The following KDM2A variants were observed in gnomAD, a reference collection of about 807,000 sequenced individuals.
KDM2A encodes lysine-specific demethylase 2A.
A neutral mutation model predicts 137.3 loss-of-function variants in KDM2A; 3 were observed. The observed-to-expected ratio is 0.02, with a 90% confidence interval of 0.01 to 0.06. KDM2A has a LOEUF of 0.06. Among genes scored for constraint, KDM2A ranks in the 10% least tolerant of loss-of-function variants. The pLI, the probability that KDM2A is intolerant of heterozygous loss-of-function variation, is 1.00. For missense variants in KDM2A, 738 were observed against 1,510.6 expected (o/e 0.49, Z 8.48); for synonymous variants, 512 against 541.5 (o/e 0.95, Z 0.76).
chr11:67,170,538 G>A (rs576075346), intron 2 of KDM2A, among the ~76,000 whole-genome samples: 5 of 150,126 alleles, frequency 3.3e-5, no homozygotes, highest in African/African-American at 1.2e-4. Flanking sequence ...TGAGCCTCCC[G>A]AGTAGCTGGG....
At chr11:67,156,190 G>T (rs1565381180) in intron 2 of KDM2A, among the ~76,000 whole-genome samples, 3 of 151,162 alleles carry the variant, frequency 2.0e-5, no homozygotes, top group Non-Finnish European at 4.4e-5. Flanking sequence ...GGAGGTTGTG[G>T]TGAGCTGAGA....
intron 12 of KDM2A, among the ~76,000 whole-genome samples, chr11:67,239,695 CAGTG>C (rs1265027799): frequency 1.3e-5 from 2 of 152,182 alleles, no homozygotes; most frequent in Non-Finnish European, 2.9e-5. Context: ...ACAGTGGTAA[CAGTG>C]AGAGGTGACC....
intron 18 of KDM2A, 134 bp from the exon 19 acceptor site, chr11:67,253,319 T>A (rs1004593399): frequency 1.3e-6 from 1 of 764,906 alleles, no homozygotes; most frequent in African/African-American, 1.7e-5. Context: ...ATCTTTGAGC[T>A]GGATGACTAA....
At chr11:67,216,757 C>G (rs1858171906) in intron 8 of KDM2A, among the ~76,000 whole-genome samples, 1 of 151,760 alleles carries the variant, frequency 6.6e-6, no homozygotes, top group African/African-American at 2.4e-5. Flanking sequence ...TGCATCTCTA[C>G]TAAAAATACA....
chr11:67,189,577 C>T (rs891593277), intron 5 of KDM2A, among the ~76,000 whole-genome samples: 30 of 152,078 alleles, frequency 2.0e-4, no homozygotes, highest in Non-Finnish European at 3.7e-4. Context: ...AGGTGGCTCA[C>T]GCCTGTAATC....
chr11:67,248,265 C>T lies in KDM2A; in HGVS notation c.1966-16C>T. 3 of 1,573,880 alleles carry T rather than the reference C, an allele frequency of 1.9e-6. No individual in the cohort carries two copies. The highest frequency in any genetic ancestry group is 2.6e-6 in the Non-Finnish European group (3 of 1,151,532). ...TTGAGAGACAGGCTTTTAAAAACAT[C>T]TCTGTCTTCCTATAGATGGACGGAG... On this transcript the variant is annotated splice_polypyrimidine_tract_variant and intron_variant, in intron 15 of 20. Transcript: ENST00000529006.
intron 2 of KDM2A, among the ~76,000 whole-genome samples, chr11:67,176,099 T>C (rs1196345198): frequency 6.6e-6 from 1 of 152,232 alleles, no homozygotes; most frequent in Non-Finnish European, 1.5e-5. Flanking sequence ...GAACTGTGAT[T>C]TGTGGCAGCC....
chr11:67,181,659 T>A (rs1279859182), intron 4 of KDM2A, among the ~76,000 whole-genome samples, 187 bp from the exon 5 acceptor site: 1 of 152,134 alleles, frequency 6.6e-6, no homozygotes, highest in African/African-American at 2.4e-5. Flanking sequence ...TCATTAACAT[T>A]TTATTATGTA....
At chr11:67,241,535 G>A (rs1226586417) in intron 12 of KDM2A, among the ~76,000 whole-genome samples, 1 of 152,116 alleles carries the variant, frequency 6.6e-6, no homozygotes, top group Non-Finnish European at 1.5e-5. Context: ...GAGCACACAG[G>A]ATTATGAGAA....
At chr11:67,156,736 A>G (rs934862448) in intron 2 of KDM2A, among the ~76,000 whole-genome samples, 8 of 151,422 alleles carry the variant, frequency 5.3e-5, no homozygotes, top group Non-Finnish European at 1.0e-4. Context: ...AAAAAAAAAA[A>G]AAATTAGCTG....
intron 5 of KDM2A, among the ~76,000 whole-genome samples, chr11:67,202,740 C>G (rs554393501): frequency 1.8e-4 from 27 of 152,028 alleles, no homozygotes; most frequent in African/African-American, 6.5e-4. Flanking sequence ...CGCGCCACTA[C>G]GCTCCAGCCT....
At chr11:67,169,754 TCTCTC>T (rs1378219884) in intron 2 of KDM2A, among the ~76,000 whole-genome samples, 855 of 51,430 alleles carry the variant, frequency 0.017, 5 homozygotes, top group South Asian at 0.049. Flanking sequence ...TCTCTCTCTC[TCTCTC>T]TTTTTTTTTT....
chr11:67,139,969 G>A (rs1856059539), intron 2 of KDM2A, among the ~76,000 whole-genome samples: 1 of 152,086 alleles, frequency 6.6e-6, no homozygotes, highest in Admixed American at 6.5e-5. Context: ...CTTCCACAGT[G>A]TTGGAACTAT....
intron 9 of KDM2A, 85 bp downstream of exon 9, chr11:67,217,969 AT>A: frequency 8.3e-7 from 1 of 1,203,046 alleles, no homozygotes. Flanking sequence ...AAGAATAGTT[AT>A]GATGCTGGGC....
chr11:67,223,699 T>TA (rs1460726746), intron 10 of KDM2A, among the ~76,000 whole-genome samples: 1 of 152,146 alleles, frequency 6.6e-6, no homozygotes, highest in African/African-American at 2.4e-5. Context: ...CATGAGCCAC[T>TA]ATGCCCAGAC....
Position 67,252,735 on chromosome 11 carries a change from G to A in KDM2A, c.2810G>A (p.Arg937Lys), listed in dbSNP as rs1336869775. The A allele has an allele frequency of 1.2e-6, 2 of 1,613,988 alleles. No individual in the cohort carries two copies. The highest frequency in any genetic ancestry group is 1.7e-6 in the Non-Finnish European group (2 of 1,179,892). The change falls in exon 18 of 21, where the codon AGG becomes AAG. Residue 937 changes from arginine to lysine, a missense_variant. Transcript: ENST00000529006. The part of the protein sequence containing the change: ...KRLWTKIDLS[R>K]CKAIVPQALS... ...CTTTGGACAAAAATTGACTTGAGTA[G>A]GTGTAAGGCCATTGTGCCCCAGGCC...
In KDM2A at chr11:67,229,036, G is replaced by A. The variant is rs150560859; in HGVS notation, c.1084+873G>A. The stretch of plus-strand genomic sequence containing the variant: ...CACTCCTGGCCCGGTTGTCTAATGC[G>A]TTTTATTGTATAAAGAATGGTCTTT... On this transcript the variant is annotated intron_variant, in intron 11 of 20. Coordinates refer to ENST00000529006, the MANE Select transcript of KDM2A (RefSeq NM_012308.3). Among the ~76,000 whole-genome samples the A allele has an allele frequency of 1.4e-4, 21 of 152,182 alleles. No homozygotes were observed. The East Asian group carries it at 3.3e-3, about 24-fold the overall frequency.
At chr11:67,143,970 C>A (rs1856184352) in intron 2 of KDM2A, among the ~76,000 whole-genome samples, 1 of 150,546 alleles carries the variant, frequency 6.6e-6, no homozygotes, top group Non-Finnish European at 1.5e-5. Context: ...GAGACGGAGT[C>A]TCCCTCTGTC....
chr11:67,239,942 A>C, intron 12 of KDM2A: 1 of 655,728 alleles, frequency 1.5e-6, no homozygotes. Context: ...ATCGCGAGGA[A>C]GAAAGCAGTT....
Sources: allele counts gnomAD v4.1 joint callset (sites outside exome capture counted in the v4.1 genomes callset), GRCh38; gene constraint gnomAD v4.1.1; transcripts MANE v1.5; gene names NCBI Gene and HGNC (gene_info 2026-07-23, HGNC 2026-07-21).